Variants in CUEDC1 observed in about 807,000 individuals in gnomAD.
CUEDC1 encodes the protein CUE domain-containing protein 1.
CUEDC1 carries 30 observed loss-of-function variants against 43.7 expected under a neutral mutation model. The observed-to-expected ratio is 0.69, with a 90% CI of 0.51 to 0.93. The LOEUF is 0.93. Among genes scored for constraint, CUEDC1 ranks in the 40% least tolerant of loss-of-function variants. The probability of loss-of-function intolerance (pLI) is 0.00; values close to 1 mark genes in which losing one functional copy is unlikely to be tolerated. For missense variants in CUEDC1, 486 were observed against 549.0 expected, an observed-to-expected ratio of 0.89 and a Z score of 1.15; for synonymous variants, 223 against 223.6, an observed-to-expected ratio of 1.00 and a Z score of 0.02.
chr17:57,917,601 A>AG (rs2074655900), intron 1 of CUEDC1, among the ~76,000 whole-genome samples: 3 of 152,376 alleles, frequency 2.0e-5, no homozygotes, highest in African/African-American at 7.2e-5. Flanking sequence ...CCCATGAGAG[A>AG]GAGGCCTTTC....
Position 57,863,038 on chromosome 17 carries a change from G to A in CUEDC1, c.*251C>T, listed in dbSNP as rs2073903673. ...ATAGGAACGCCTGGCTACAAAAGGG[G>A]CTGTAATTGGCTGCTGCCTATAGGG... On this transcript the variant is annotated 3_prime_UTR_variant, in exon 11 of 11. Coordinates refer to ENST00000577830, the MANE Select transcript of CUEDC1 (RefSeq NM_001271875.2). 2 of 146,868 alleles carry A rather than the reference G, an allele frequency of 1.4e-5. No individual in the cohort carries two copies. Among genetic ancestry groups the A allele is most frequent in the South Asian group, 4.3e-4 (2 of 4,684 alleles). The allele number at this position is 146,868 out of a possible 1,614,324, so 9.1% of individuals were successfully genotyped here.
intron 1 of CUEDC1, among the ~76,000 whole-genome samples, chr17:57,907,862 G>A (rs1598000998): frequency 6.7e-6 from 1 of 148,240 alleles, no homozygotes; most frequent in East Asian, 2.0e-4. Flanking sequence ...AAAAAATACT[G>A]TACCTATCTA....
At chr17:57,937,340 G>A (rs1035905163) in intron 1 of CUEDC1, among the ~76,000 whole-genome samples, 6 of 152,086 alleles carry the variant, frequency 3.9e-5, no homozygotes, top group African/African-American at 7.2e-5. Flanking sequence ...GCCTGGCGTG[G>A]TGGCTCACAC....
intron 10 of CUEDC1, among the ~76,000 whole-genome samples, chr17:57,865,165 C>T (rs1462850495): frequency 2.0e-5 from 3 of 152,274 alleles, no homozygotes; most frequent in South Asian, 2.1e-4. Flanking sequence ...AGGAGAAGGG[C>T]GTGGAGATAG....
At chr17:57,929,633 A>T (rs183234613) in intron 1 of CUEDC1, among the ~76,000 whole-genome samples, 4 of 152,276 alleles carry the variant, frequency 2.6e-5, no homozygotes, top group Admixed American at 2.0e-4. Context: ...CGGTTCCTGA[A>T]CTAAGGAATA....
At chr17:57,866,409 G>A (rs929355751) in intron 10 of CUEDC1, 65 bp downstream of exon 10, 16 of 1,476,612 alleles carry the variant, frequency 1.1e-5, no homozygotes, top group African/African-American at 6.9e-5. Context: ...AGGACATGTG[G>A]GGTGCATAGT....
chr17:57,871,258 G>C (rs2074030522), intron 6 of CUEDC1, 28 bp downstream of exon 6: 1 of 1,581,462 alleles, frequency 6.3e-7, no homozygotes, highest in Admixed American at 1.7e-5. Flanking sequence ...TATGCCTCTA[G>C]GTTTTCTTCC....
In CUEDC1 at chr17:57,930,032, C is replaced by T. The variant is rs1266764417; in HGVS notation, c.-316+25193G>A. On this transcript the variant is annotated intron_variant, in intron 1 of 10. Coordinates refer to ENST00000577830, the MANE Select transcript of CUEDC1 (RefSeq NM_001271875.2). The surrounding 1 kb of genome is among the most constrained non-coding windows in gnomAD (Gnocchi z 4.2). ...TTGTCGGGCTGGTATCGAACTCCTG[C>T]CCTCAGGTGATCCACCCGCCTCGGC... Among the ~76,000 whole-genome samples the T allele has an allele frequency of 1.3e-5, 2 of 152,132 alleles. No individual in the cohort carries two copies. The highest frequency in any genetic ancestry group is 3.9e-4 in the East Asian group (2 of 5,190).
chr17:57,927,094 G>A (rs879897936), intron 1 of CUEDC1, among the ~76,000 whole-genome samples: 6 of 152,190 alleles, frequency 3.9e-5, no homozygotes, highest in Non-Finnish European at 8.8e-5. Context: ...GTAATTAAGG[G>A]CTCAGTGGGG....
intron 1 of CUEDC1, among the ~76,000 whole-genome samples, chr17:57,891,792 C>A (rs1361325410): frequency 6.6e-6 from 1 of 152,200 alleles, no homozygotes; most frequent in Non-Finnish European, 1.5e-5. Flanking sequence ...CCCTACTCAA[C>A]CATCACCTTG....
At chr17:57,881,046 C>T (rs1597979126) in intron 2 of CUEDC1, among the ~76,000 whole-genome samples, 1 of 152,358 alleles carries the variant, frequency 6.6e-6, no homozygotes, top group South Asian at 2.1e-4. Context: ...AATAATGCTG[C>T]CTGTATAAGC....
At position 57,954,113 on chromosome 17, in the gene CUEDC1, T is replaced by C. The variant is rs139866655; in HGVS notation, c.-316+1112A>G. Among the ~76,000 whole-genome samples, 315 of 152,220 alleles carry C rather than the reference T, an allele frequency of 2.1e-3. No homozygotes were observed. Among genetic ancestry groups the C allele is most frequent in the African/African-American group, 7.3e-3 (302 of 41,534 alleles). Reference sequence around the variant, plus strand: ...CACCTCCTTCAGGCACAGCTGGCTATAAAGAAAAGGGGTGAAAGGCCCAGT... The same window carrying C: ...CACCTCCTTCAGGCACAGCTGGCTACAAAGAAAAGGGGTGAAAGGCCCAGT... On this transcript the variant is annotated intron_variant, in intron 1 of 10. Coordinates refer to ENST00000577830, the MANE Select transcript of CUEDC1 (RefSeq NM_001271875.2). This position sits in a 1 kb window ranked among gnomAD's most constrained non-coding sequence, Gnocchi z 4.3.
In CUEDC1 at chr17:57,873,722, G is replaced by C; in HGVS notation, c.465-5C>G. On this transcript the variant is annotated splice_region_variant and splice_polypyrimidine_tract_variant and intron_variant, in intron 3 of 10. Coordinates refer to ENST00000577830, the MANE Select transcript of CUEDC1 (RefSeq NM_001271875.2). ...CCAGAGCCCAGCGCGTCGATACTAG[G>C]GGATGGCAGGTGACAGGGAAGAGGA... 1 of 1,566,366 alleles carries C rather than the reference G, an allele frequency of 6.4e-7. No individual in the cohort carries two copies. The highest frequency in any genetic ancestry group is 8.7e-7 in the Non-Finnish European group (1 of 1,153,852).
At chr17:57,925,918 G>A (rs2143131150) in intron 1 of CUEDC1, among the ~76,000 whole-genome samples, 1 of 152,338 alleles carries the variant, frequency 6.6e-6, no homozygotes, top group South Asian at 2.1e-4. Flanking sequence ...TGCCACCTGT[G>A]GTTGGCCCAG....
chr17:57,945,103 A>G (rs760427867), intron 1 of CUEDC1, among the ~76,000 whole-genome samples: 2 of 152,222 alleles, frequency 1.3e-5, no homozygotes, highest in African/African-American at 2.4e-5. Context: ...GGCCTAAGAC[A>G]CATGGACTTC....
At chr17:57,876,579 T>A (rs1320762338) in intron 3 of CUEDC1, among the ~76,000 whole-genome samples, 1 of 152,194 alleles carries the variant, frequency 6.6e-6, no homozygotes, top group African/African-American at 2.4e-5. Context: ...AGTGCTGTAC[T>A]CACCACCTCA....
intron 1 of CUEDC1, among the ~76,000 whole-genome samples, chr17:57,944,240 C>T (rs2074941705): frequency 7.2e-6 from 1 of 139,126 alleles, no homozygotes. Context: ...GACGGAGCTT[C>T]GCTCTTGTTG....
At chr17:57,866,668 A>C in intron 9 of CUEDC1, 124 bp from the exon 10 acceptor site, 1 of 897,736 alleles carries the variant, frequency 1.1e-6, no homozygotes, top group Non-Finnish European at 1.8e-6. Flanking sequence ...ACCCATGCAG[A>C]TCCCCCCAGG....
intron 2 of CUEDC1, among the ~76,000 whole-genome samples, chr17:57,884,291 G>A (rs1166410764): frequency 8.8e-5 from 13 of 146,928 alleles, no homozygotes; most frequent in Non-Finnish European, 1.6e-4. Context: ...TCTGCCTCCC[G>A]GGTTCAGGCG....
Sources: gnomAD v4.1 joint callset for allele counts (sites outside exome capture counted in the v4.1 genomes callset) on GRCh38, gnomAD v4.1.1 for gene constraint, Gnocchi (gnomAD v3.1) non-coding constraint, MANE v1.5 for transcripts, NCBI Gene and HGNC (gene_info 2026-07-23, HGNC 2026-07-21) for gene names.